RYR2: variants seen among roughly 807,000 people sequenced by gnomAD.
RYR2 encodes ryanodine receptor 2.
RYR2 carries 227 observed loss-of-function variants against 601.1 expected under a neutral mutation model. The ratio of observed to expected loss-of-function variants is 0.38; its 90% confidence interval spans 0.34 to 0.42. The LOEUF is 0.42. RYR2 is among the 10% of genes least tolerant of loss of function. The pLI, the probability that RYR2 is intolerant of heterozygous loss-of-function variation, is 1.00. For missense variants in RYR2, 4,646 were observed against 6,156.5 expected, an observed-to-expected ratio of 0.75 and a Z score of 8.21; for synonymous variants, 2,223 against 2,175.1, an observed-to-expected ratio of 1.02 and a Z score of -0.61.
At chr1:237,267,558 C>A in intron 1 of RYR2, 1 of 252,914 alleles carries the variant, frequency 4.0e-6, no homozygotes, top group East Asian at 1.5e-4. Context: ...AGAAAAGAAA[C>A]TCGTATATTT....
At chr1:237,243,273 C>T (rs933710706) in intron 1 of RYR2, among the ~76,000 whole-genome samples, 13 of 152,176 alleles carry the variant, frequency 8.5e-5, no homozygotes, top group Admixed American at 3.9e-4. Context: ...CACAAGCCCC[C>T]AGTAACCCTG....
intron 1 of RYR2, among the ~76,000 whole-genome samples, chr1:237,077,698 T>C (rs1665148456): frequency 6.6e-6 from 1 of 150,960 alleles, no homozygotes; most frequent in South Asian, 2.1e-4. Context: ...CACCCCACTG[T>C]CAACATTAGA....
At chr1:237,755,184 C>A in intron 80 of RYR2, 1 of 988,104 alleles carries the variant, frequency 1.0e-6, no homozygotes, top group Non-Finnish European at 1.3e-6. Flanking sequence ...TTGTTTGAGC[C>A]CATTTCTTTT....
chr1:237,294,741 A>AT, intron 2 of RYR2, among the ~76,000 whole-genome samples: 1 of 152,148 alleles, frequency 6.6e-6, no homozygotes, highest in Non-Finnish European at 1.5e-5. Flanking sequence ...TGGTGGTTTC[A>AT]TTGATTGTTT....
At position 237,106,866 on chromosome 1, in the gene RYR2, T is replaced by G. The variant is rs1262251085; in HGVS notation, c.48+64297T>G. Among the ~76,000 whole-genome samples the G allele has an allele frequency of 1.3e-5, 2 of 152,150 alleles. No individual in the cohort carries two copies. The highest frequency in any genetic ancestry group is 4.8e-5 in the African/African-American group (2 of 41,428). On this transcript the variant is annotated intron_variant, in intron 1 of 104. Coordinates refer to ENST00000366574, the MANE Select transcript of RYR2 (RefSeq NM_001035.3). This position sits in a 1 kb window ranked among gnomAD's most constrained non-coding sequence, Gnocchi z 4.4. ...GCTGTCTTCTTGCTGTGTTGTCACG[T>G]GTAGAAGGGACAAAGGAGCTCTCTG...
rs116502586 is a variant in RYR2 at position 237,365,554 on chromosome 1, C to G, written c.309+1182C>G. 3.5e-3 allele frequency among the ~76,000 whole-genome samples: 535 copies of G among 152,218 alleles called. 5 individuals are homozygous for G. Among genetic ancestry groups the G allele is most frequent in the African/African-American group, 0.011 (442 of 41,524 alleles). ...TTATGATCACATTTTGAAGAGAGGA[C>G]GTTAATCCCTAAATTAGACGTATCA... On this transcript the variant is annotated intron_variant, in intron 5 of 104. Coordinates refer to ENST00000366574, the MANE Select transcript of RYR2 (RefSeq NM_001035.3).
Position 237,485,193 on chromosome 1 carries a change from G to A in RYR2, c.1709-6613G>A, listed in dbSNP as rs184260659. Among the ~76,000 whole-genome samples the A allele has an allele frequency of 1.4e-3, 216 of 152,142 alleles. 1 individual carries two copies. The highest frequency in any genetic ancestry group is 5.2e-3 in the African/African-American group (214 of 41,494). On this transcript the variant is annotated intron_variant, in intron 17 of 104. Coordinates refer to ENST00000366574, the MANE Select transcript of RYR2 (RefSeq NM_001035.3). ...TAACGGTTTTAAATGAAATTCTCCAGATATAAAGTATTTCAGTTATTCTAT... is the reference window on the plus strand; with the variant it reads ...TAACGGTTTTAAATGAAATTCTCCAAATATAAAGTATTTCAGTTATTCTAT...
At chr1:237,452,283 G>T in intron 14 of RYR2, among the ~76,000 whole-genome samples, 1 of 98,108 alleles carries the variant, frequency 1.0e-5, no homozygotes, top group African/African-American at 2.9e-5. Context: ...CTATACAATA[G>T]CATATATAAT....
At chr1:237,397,846 C>T (rs1238449447) in intron 10 of RYR2, among the ~76,000 whole-genome samples, 3 of 151,908 alleles carry the variant, frequency 2.0e-5, no homozygotes, top group Non-Finnish European at 2.9e-5. Context: ...CTCAGCCTCC[C>T]GAGTAGCTGG....
chr1:237,595,818 C>A (rs2148476551), intron 34 of RYR2, among the ~76,000 whole-genome samples, 161 bp downstream of exon 34: 1 of 152,284 alleles, frequency 6.6e-6, no homozygotes. Context: ...AAGCCCTCCT[C>A]ATAGCTGTCC....
chr1:237,694,321 T>A (rs35956606), intron 63 of RYR2, among the ~76,000 whole-genome samples: 2 of 150,444 alleles, frequency 1.3e-5, no homozygotes, highest in Non-Finnish European at 2.9e-5. Context: ...GAAAAATTAC[T>A]TAAAGTACTC....
At chr1:237,428,694 C>A (rs1706465369) in intron 12 of RYR2, among the ~76,000 whole-genome samples, 1 of 151,306 alleles carries the variant, frequency 6.6e-6, no homozygotes, top group East Asian at 1.9e-4. Flanking sequence ...TGCCGCAAAC[C>A]ACCATGGCAC....
chr1:237,478,002 A>G (rs1661593446), intron 17 of RYR2, among the ~76,000 whole-genome samples: 1 of 152,100 alleles, frequency 6.6e-6, no homozygotes, highest in Non-Finnish European at 1.5e-5. Flanking sequence ...CATGAAAGGT[A>G]CCTGCTCTGG....
intron 44 of RYR2, among the ~76,000 whole-genome samples, chr1:237,636,297 G>T (rs901262138): frequency 3.3e-5 from 5 of 150,934 alleles, no homozygotes; most frequent in Non-Finnish European, 7.4e-5. Context: ...TAACTGCTTT[G>T]TCCTGCCTTT....
chr1:237,390,242 G>C (rs1160125844), intron 10 of RYR2, among the ~76,000 whole-genome samples: 1 of 147,874 alleles, frequency 6.8e-6, no homozygotes, highest in Non-Finnish European at 1.5e-5. Flanking sequence ...GTGTTTCTTA[G>C]AGCTTTTTCG....
chr1:237,122,390 A>T (rs1170562424), intron 1 of RYR2, among the ~76,000 whole-genome samples: 2 of 152,248 alleles, frequency 1.3e-5, no homozygotes, highest in Non-Finnish European at 2.9e-5. Flanking sequence ...ATAAAGACTT[A>T]GCAAACTCTG....
chr1:237,523,951 A>G (rs1438719924), intron 24 of RYR2, among the ~76,000 whole-genome samples: 2 of 152,208 alleles, frequency 1.3e-5, no homozygotes, highest in Non-Finnish European at 2.9e-5. Flanking sequence ...ACCCACATGT[A>G]TTACTGCAGG....
chr1:237,723,312 A>G, intron 74 of RYR2, 50 bp downstream of exon 74: 1 of 1,485,884 alleles, frequency 6.7e-7, no homozygotes. Context: ...ACATACAAAT[A>G]TTTTAAAAAG....
chr1:237,423,527 G>A (rs1705802550), intron 12 of RYR2, among the ~76,000 whole-genome samples: 1 of 152,150 alleles, frequency 6.6e-6, no homozygotes, highest in Non-Finnish European at 1.5e-5. Flanking sequence ...TACATATTGG[G>A]ATAGTATGAA....
Sources: gnomAD v4.1 joint callset for allele counts (sites outside exome capture counted in the v4.1 genomes callset) on GRCh38, gnomAD v4.1.1 for gene constraint, Gnocchi (gnomAD v3.1) non-coding constraint, MANE v1.5 for transcripts, NCBI Gene and HGNC (gene_info 2026-07-23, HGNC 2026-07-21) for gene names.